GPR149: variants seen among roughly 807,000 people sequenced by gnomAD.
The protein encoded by GPR149 is G protein-coupled receptor 149, also known as probable G protein-coupled receptor 149.
GPR149 carries 50 observed loss-of-function variants against 50.2 expected under a neutral mutation model. The observed-to-expected ratio is 1.00, with a 90% CI of 0.79 to 1.26. GPR149 has a LOEUF of 1.26. Ranked by LOEUF, GPR149 falls within the 50% of genes most tolerant of loss-of-function variation. GPR149 has a pLI of 0.00. For missense variants in GPR149, 983 were observed against 895.4 expected (o/e 1.10, Z -1.25); for synonymous variants, 405 against 358.2 (o/e 1.13, Z -1.48).
At chr3:154,395,319 T>G (rs1215391079) in intron 3 of GPR149, among the ~76,000 whole-genome samples, 3 of 151,650 alleles carry the variant, frequency 2.0e-5, no homozygotes, top group African/African-American at 7.3e-5. Context: ...ACTAAAACCA[T>G]GAATACCTTA....
intron 3 of GPR149, among the ~76,000 whole-genome samples, chr3:154,393,702 T>C (rs1156558487): frequency 6.6e-6 from 1 of 151,906 alleles, no homozygotes; most frequent in Non-Finnish European, 1.5e-5. Flanking sequence ...ACTATTATAA[T>C]TAATAAATGA....
chr3:154,346,522 G>T (rs1219602911), intron 3 of GPR149, among the ~76,000 whole-genome samples: 1 of 152,000 alleles, frequency 6.6e-6, no homozygotes, highest in Non-Finnish European at 1.5e-5. Flanking sequence ...GGCATGAAAA[G>T]TGCTAAGAAT....
chr3:154,362,737 A>G (rs1195822779), intron 3 of GPR149, among the ~76,000 whole-genome samples: 6 of 152,108 alleles, frequency 3.9e-5, no homozygotes, highest in African/African-American at 1.4e-4. Flanking sequence ...TACACTTATT[A>G]TTATATTTTT....
chr3:154,427,704 T>A lies in GPR149; in HGVS notation c.986A>T (p.His329Leu), dbSNP rs1712349022. The A allele has an allele frequency of 6.2e-7, 1 of 1,610,906 alleles. No individual in the cohort carries two copies. The highest frequency in any genetic ancestry group is 8.5e-7 in the Non-Finnish European group (1 of 1,178,548). Residue 329 changes from histidine (H) to leucine (L), a missense_variant, in exon 2 of 4, where the codon CAC (histidine) becomes CTC (leucine). Physicochemically the swap from His to Leu is moderately conservative, Grantham distance 99 (BLOSUM62 -3). Transcript: ENST00000389740. ...KVVLWLPMMM[H>L]MVVQNVVGFQ... ...CCCCACGACGTTCTGGACCACCATG[T>A]GCATCTGCAAGGGCAAGAGAACTTC... is the stretch of plus-strand genomic sequence containing the variant.
chr3:154,414,154 T>G (rs1380211616), intron 3 of GPR149, among the ~76,000 whole-genome samples: 1 of 151,862 alleles, frequency 6.6e-6, no homozygotes, highest in Non-Finnish European at 1.5e-5. Flanking sequence ...CTTTGGACAC[T>G]CAGGGGAAAG....
chr3:154,398,513 T>A (rs1452901552), intron 3 of GPR149, among the ~76,000 whole-genome samples: 1 of 152,168 alleles, frequency 6.6e-6, no homozygotes, highest in Non-Finnish European at 1.5e-5. Flanking sequence ...TATTTCTATT[T>A]GCATCTGAAT....
chr3:154,383,005 A>G (rs934286378), intron 3 of GPR149, among the ~76,000 whole-genome samples: 1 of 152,102 alleles, frequency 6.6e-6, no homozygotes, highest in African/African-American at 2.4e-5. Context: ...AACAATACAG[A>G]ATGGCTCTCG....
In GPR149 at chr3:154,338,141, G is replaced by A. The variant is rs1161214772; in HGVS notation, c.1754C>T (p.Ala585Val). ...VSAEGQKITPASKKIEVYRSK... is the reference protein window; with the variant it reads ...VSAEGQKITPVSKKIEVYRSK... The stretch of plus-strand genomic sequence containing the variant: ...TCGATAGACTTCTATTTTCTTAGAG[G>A]CTGGAGTTATTTTTTGCCCTTCTGC... The change falls in exon 4 of 4, where the codon GCC becomes GTC. Residue 585 changes from alanine (A) to valine (V), a missense_variant. Transcript: ENST00000389740. 3 of 1,614,154 alleles carry A rather than the reference G, an allele frequency of 1.9e-6. No homozygotes were observed. In the Admixed American group the frequency reaches 5.0e-5, roughly 27 times the overall value.
Position 154,335,114 on chromosome 3 carries a change from C to A in GPR149, c.*2585G>T, listed in dbSNP as rs1198150225. 6.6e-6 allele frequency: 1 copy of A among 151,844 alleles called. No homozygotes were observed. The highest frequency in any genetic ancestry group is 1.5e-5 in the Non-Finnish European group (1 of 67,946). 9.4% of individuals were successfully genotyped at this position (151,844 alleles called of 1,614,324 possible). ...ACGTGTTTGCAGTTTATAGGAGTCA[C>A]CACCAGATGGTGATATTTTTATTAG... On this transcript the variant is annotated 3_prime_UTR_variant, in exon 4 of 4. Coordinates refer to ENST00000389740, the MANE Select transcript of GPR149 (RefSeq NM_001038705.3).
At chr3:154,394,268 A>G (rs1003317894) in intron 3 of GPR149, among the ~76,000 whole-genome samples, 1 of 152,130 alleles carries the variant, frequency 6.6e-6, no homozygotes, top group Non-Finnish European at 1.5e-5. Flanking sequence ...CCACATTTAT[A>G]TAATCAACTA....
At chr3:154,400,048 G>A (rs1188963686) in intron 3 of GPR149, among the ~76,000 whole-genome samples, 6 of 152,044 alleles carry the variant, frequency 3.9e-5, no homozygotes, top group East Asian at 1.9e-4. Context: ...GTGCGGTGGC[G>A]CGATCTCGGC....
intron 3 of GPR149, among the ~76,000 whole-genome samples, chr3:154,392,517 C>T (rs188088643): frequency 5.9e-5 from 9 of 151,534 alleles, no homozygotes; most frequent in East Asian, 3.9e-4. Flanking sequence ...CCTAACTTTA[C>T]GTCTCAAGAA....
At chr3:154,366,342 C>T (rs185517037) in intron 3 of GPR149, among the ~76,000 whole-genome samples, 1,766 of 152,080 alleles carry the variant, frequency 0.012, 18 homozygotes, top group Non-Finnish European at 0.016. Context: ...GATAGCAGAC[C>T]CTGAAGGAAA....
chr3:154,427,417 A>G (rs1361763129), intron 2 of GPR149, 99 bp downstream of exon 2: 4 of 898,460 alleles, frequency 4.5e-6, no homozygotes, highest in Non-Finnish European at 6.8e-6. Context: ...TTATCCTTGG[A>G]CTCTCCATCC....
intron 3 of GPR149, among the ~76,000 whole-genome samples, chr3:154,398,743 C>G (rs1016307582): frequency 3.9e-5 from 6 of 152,152 alleles, no homozygotes; most frequent in South Asian, 2.1e-4. Context: ...ATGGCCATGA[C>G]TCATTTCATC....
At chr3:154,424,069 G>T (rs1332686853) in intron 2 of GPR149, among the ~76,000 whole-genome samples, 1 of 151,716 alleles carries the variant, frequency 6.6e-6, no homozygotes, top group Non-Finnish European at 1.5e-5. Context: ...GGGAGATTAG[G>T]GGTTGTGTTG....
chr3:154,388,028 T>C (rs1171493000), intron 3 of GPR149, among the ~76,000 whole-genome samples: 1 of 152,156 alleles, frequency 6.6e-6, no homozygotes, highest in South Asian at 2.1e-4. Context: ...ATATTTAAAA[T>C]AAAGAAATAA....
At chr3:154,397,663 C>T (rs1715325008) in intron 3 of GPR149, among the ~76,000 whole-genome samples, 1 of 152,050 alleles carries the variant, frequency 6.6e-6, no homozygotes, top group Admixed American at 6.6e-5. Flanking sequence ...TAATTTGTCG[C>T]ATTTTCTGAC....
intron 3 of GPR149, among the ~76,000 whole-genome samples, chr3:154,371,286 C>T (rs936783279): frequency 6.6e-6 from 1 of 152,136 alleles, no homozygotes; most frequent in Non-Finnish European, 1.5e-5. Flanking sequence ...GCATTTTTTT[C>T]ATCTATAATA....
Sources: allele counts gnomAD v4.1 joint callset (sites outside exome capture counted in the v4.1 genomes callset), GRCh38; gene constraint gnomAD v4.1.1; transcripts MANE v1.5; gene names NCBI Gene and HGNC (gene_info 2026-07-23, HGNC 2026-07-21).